The following ANTXR1 variants were observed in gnomAD, a reference collection of about 807,000 sequenced individuals.
The protein encoded by ANTXR1 is anthrax toxin receptor 1.
Under a neutral mutation model 78.1 loss-of-function variants are expected in ANTXR1, and 19 were observed. That is an observed-to-expected ratio of 0.24 (90% CI 0.17 to 0.36). ANTXR1 has a LOEUF of 0.36. Ranked by LOEUF, ANTXR1 falls within the 10% of genes least tolerant of loss-of-function variation. The pLI, the probability that ANTXR1 is intolerant of heterozygous loss-of-function variation, is 1.00. For synonymous variants in ANTXR1, 273 were observed against 260.5 expected, an observed-to-expected ratio of 1.05 and a Z score of -0.46; for missense variants, 518 against 718.6, an observed-to-expected ratio of 0.72 and a Z score of 3.19.
intron 14 of ANTXR1, chr2:69,172,427 A>G: frequency 6.2e-7 from 1 of 1,602,938 alleles, no homozygotes; most frequent in Non-Finnish European, 8.5e-7. Flanking sequence ...CAGATAACCT[A>G]ACACAGCCCG....
intron 12 of ANTXR1, among the ~76,000 whole-genome samples, chr2:69,131,437 A>G (rs1045494030): frequency 7.2e-5 from 11 of 152,210 alleles, no homozygotes; most frequent in African/African-American, 2.2e-4. Context: ...ATGACTACCA[A>G]TGTTTCACAG....
In ANTXR1 at chr2:69,245,625, CAACA is replaced by C; in HGVS notation, c.*142_*145del. ...AAATTGGTTGGCAATGCCAGTATACCAACAATCATGATCAGCTGAAAGAAACAGA... is the reference window on the plus strand; with the variant it reads ...AAATTGGTTGGCAATGCCAGTATACCATCATGATCAGCTGAAAGAAACAGA... On this transcript the variant is annotated 3_prime_UTR_variant, in exon 18 of 18. Coordinates refer to ENST00000303714, the MANE Select transcript of ANTXR1 (RefSeq NM_032208.3). 1 of 1,166,274 alleles carries C rather than the reference CAACA, an allele frequency of 8.6e-7. No homozygotes were observed. The highest frequency in any genetic ancestry group is 1.2e-6 in the Non-Finnish European group (1 of 824,584). The allele number at this position is 1,166,274 out of a possible 1,614,324, so 72.2% of individuals were successfully genotyped here.
chr2:69,091,731 C>G (rs577278386), intron 9 of ANTXR1, among the ~76,000 whole-genome samples: 1 of 152,218 alleles, frequency 6.6e-6, no homozygotes, highest in Admixed American at 6.5e-5. Flanking sequence ...TGCCAGTCCT[C>G]ACACAATGGT....
intron 3 of ANTXR1, among the ~76,000 whole-genome samples, chr2:69,045,618 CTT>C (rs1359989665): frequency 6.6e-6 from 1 of 152,108 alleles, no homozygotes; most frequent in African/African-American, 2.4e-5. Context: ...GGCAGGAAGA[CTT>C]TATTCTCTAA....
intron 17 of ANTXR1, among the ~76,000 whole-genome samples, chr2:69,238,764 T>C (rs1284149992): frequency 5.3e-5 from 8 of 152,228 alleles, no homozygotes. Flanking sequence ...ACTTGGCATG[T>C]ATGTTATACT....
chr2:69,169,624 T>C (rs1311655458), intron 13 of ANTXR1, among the ~76,000 whole-genome samples: 1 of 152,238 alleles, frequency 6.6e-6, no homozygotes, highest in Non-Finnish European at 1.5e-5. Context: ...GATGGGACAG[T>C]CAGAATCTTA....
At chr2:69,026,374 A>G (rs1671345428) in intron 1 of ANTXR1, among the ~76,000 whole-genome samples, 1 of 152,226 alleles carries the variant, frequency 6.6e-6, no homozygotes, top group Non-Finnish European at 1.5e-5. Flanking sequence ...GGGAGATAAT[A>G]ATAGTATGTG....
In ANTXR1 at chr2:69,074,622, C is replaced by T. The variant is rs77487606; in HGVS notation, c.493-968C>T. Among the ~76,000 whole-genome samples, 1,359 of 152,178 alleles carry T rather than the reference C, an allele frequency of 8.9e-3. 33 individuals are homozygous for T. In the East Asian group the frequency reaches 0.097, roughly 11 times the overall value. On this transcript the variant is annotated intron_variant, in intron 6 of 17. Transcript: ENST00000303714. ...GTTGTTGCAAATAAAGTTGAGGCTA[C>T]AGTGAGTCTAAAAGTTTATTTTATC...
chr2:69,095,198 TTTCTTTCCTTTTCTTTC>T (rs1671359549), intron 9 of ANTXR1, among the ~76,000 whole-genome samples: 1 of 152,248 alleles, frequency 6.6e-6, no homozygotes, highest in Non-Finnish European at 1.5e-5. Context: ...TCCTTGCTTT[TTTCTTTCCTTTTCTTTC>T]TTCTTTCCCT....
intron 17 of ANTXR1, among the ~76,000 whole-genome samples, 184 bp downstream of exon 17, chr2:69,193,599 C>T (rs1411056663): frequency 6.6e-6 from 1 of 152,158 alleles, no homozygotes; most frequent in Non-Finnish European, 1.5e-5. Context: ...CATGTTGCAA[C>T]AAATCAGACA....
chr2:69,179,219 G>A (rs1674212391), intron 14 of ANTXR1, among the ~76,000 whole-genome samples: 1 of 151,906 alleles, frequency 6.6e-6, no homozygotes, highest in South Asian at 2.1e-4. Flanking sequence ...ATTGTGTTGG[G>A]GACTTTATTT....
chr2:69,048,768 T>C (rs1429524115), intron 3 of ANTXR1, among the ~76,000 whole-genome samples: 1 of 152,202 alleles, frequency 6.6e-6, no homozygotes, highest in Admixed American at 6.5e-5. Flanking sequence ...TCCTCATTTC[T>C]AATCTTGGGT....
At chr2:69,104,417 T>C (rs1671737955) in intron 10 of ANTXR1, among the ~76,000 whole-genome samples, 1 of 152,198 alleles carries the variant, frequency 6.6e-6, no homozygotes. Flanking sequence ...TTAGAAACAT[T>C]CGGTTAGTTT....
At chr2:69,102,657 C>G (rs534091735) in intron 9 of ANTXR1, among the ~76,000 whole-genome samples, 185 bp from the exon 10 acceptor site, 1 of 152,300 alleles carries the variant, frequency 6.6e-6, no homozygotes, top group Admixed American at 6.5e-5. Context: ...TCTTGGGACA[C>G]CTAGTGAGGA....
At position 69,051,696 on chromosome 2, in the gene ANTXR1, G is replaced by T. The variant is rs534512866; in HGVS notation, c.296+6883G>T. ...TAATTTTTAAATATTTTATATTTTTGTTTACTTGATCTATGAAGATAGACA... is the reference window on the plus strand; with the variant it reads ...TAATTTTTAAATATTTTATATTTTTTTTTACTTGATCTATGAAGATAGACA... On this transcript the variant is annotated intron_variant, in intron 3 of 17. Transcript: ENST00000303714. 2.6e-4 allele frequency among the ~76,000 whole-genome samples: 40 copies of T among 151,844 alleles called. No homozygotes were observed. The East Asian group carries it at 7.4e-3, about 28-fold the overall frequency.
intron 3 of ANTXR1, among the ~76,000 whole-genome samples, chr2:69,056,469 A>G (rs931626876): frequency 2.7e-5 from 4 of 150,300 alleles, no homozygotes; most frequent in African/African-American, 7.5e-5. Context: ...AAAGTATAGA[A>G]AAAAAAAAGG....
At chr2:69,129,756 A>G (rs1425549962) in intron 12 of ANTXR1, among the ~76,000 whole-genome samples, 15 of 152,160 alleles carry the variant, frequency 9.9e-5, no homozygotes, top group African/African-American at 3.6e-4. Flanking sequence ...TCTCAAAAAA[A>G]AAAAAAGAGT....
intron 10 of ANTXR1, among the ~76,000 whole-genome samples, chr2:69,117,122 C>A (rs1484156767): frequency 6.6e-6 from 1 of 152,240 alleles, no homozygotes; most frequent in Non-Finnish European, 1.5e-5. Context: ...CATCCCTAGA[C>A]CCCTCTCCTG....
chr2:69,210,434 C>T (rs982162873), intron 17 of ANTXR1, among the ~76,000 whole-genome samples: 1 of 152,136 alleles, frequency 6.6e-6, no homozygotes, highest in African/African-American at 2.4e-5. Context: ...TGGGAATAAC[C>T]AAAATGATTT....
Sources: allele counts gnomAD v4.1 joint callset (sites outside exome capture counted in the v4.1 genomes callset), GRCh38; gene constraint gnomAD v4.1.1; transcripts MANE v1.5; gene names NCBI Gene and HGNC (gene_info 2026-07-23, HGNC 2026-07-21).